The following SNW1 variants were observed in gnomAD, a reference collection of about 807,000 sequenced individuals.
SNW1 encodes SNW domain-containing protein 1.
Under a neutral mutation model 75.6 loss-of-function variants are expected in SNW1, and 9 were observed. The observed-to-expected ratio is 0.12, with a 90% CI of 0.07 to 0.21. SNW1 has a LOEUF of 0.21. Among genes scored for constraint, SNW1 ranks in the 10% least tolerant of loss-of-function variants. The probability of loss-of-function intolerance (pLI) is 1.00; values close to 1 mark genes in which losing one functional copy is unlikely to be tolerated. For synonymous variants in SNW1, 200 were observed against 219.1 expected (o/e 0.91, Z 0.77); for missense variants, 409 against 670.9 (o/e 0.61, Z 4.31).
intron 3 of SNW1, among the ~76,000 whole-genome samples, chr14:77,746,659 A>G (rs1309595215): frequency 6.6e-6 from 1 of 152,214 alleles, no homozygotes; most frequent in Non-Finnish European, 1.5e-5. Context: ...TAAAAAAACT[A>G]GCAGATAACC....
At chr14:77,730,861 C>G in intron 10 of SNW1, 127 bp downstream of exon 10, 1 of 940,944 alleles carries the variant, frequency 1.1e-6, no homozygotes, top group Non-Finnish European at 1.6e-6. Flanking sequence ...CATTTCTACA[C>G]TATATCTGAT....
intron 6 of SNW1, 89 bp downstream of exon 6, chr14:77,736,882 G>GT: frequency 1.1e-6 from 1 of 932,320 alleles, no homozygotes; most frequent in South Asian, 1.3e-5. Context: ...GTATGTACTT[G>GT]TTTTTGCCTG....
At chr14:77,719,649 A>C (rs7401285) in intron 12 of SNW1, among the ~76,000 whole-genome samples, 3 of 150,932 alleles carry the variant, frequency 2.0e-5, no homozygotes, top group African/African-American at 7.3e-5. Flanking sequence ...TCAGAAAACA[A>C]AAACAAACAA....
rs2080832880 is a variant in SNW1, at chr14:77,754,955, A to T, written c.168+12T>A. 6.4e-7 allele frequency: 1 copy of T among 1,566,528 alleles called. No homozygotes were observed. The highest frequency in any genetic ancestry group is 1.2e-5 in the South Asian group (1 of 85,290). On this transcript the variant is annotated intron_variant, in intron 2 of 13. Coordinates refer to ENST00000261531, the MANE Select transcript of SNW1 (RefSeq NM_012245.3). ...ACAATTTAACAAATCTAAACTTAAGATCTATATGTACCTCTAATAACCGAG... is the reference window on the plus strand; with the variant it reads ...ACAATTTAACAAATCTAAACTTAAGTTCTATATGTACCTCTAATAACCGAG...
At chr14:77,726,074 C>T (rs1330633747) in intron 10 of SNW1, among the ~76,000 whole-genome samples, 1 of 152,044 alleles carries the variant, frequency 6.6e-6, no homozygotes, top group African/African-American at 2.4e-5. Context: ...TGTGATGCCT[C>T]CAGTTTTTTT....
At chr14:77,737,211 T>C (rs2080679854) in intron 5 of SNW1, 136 bp from the exon 6 acceptor site, 1 of 612,776 alleles carries the variant, frequency 1.6e-6, no homozygotes, top group African/African-American at 1.9e-5. Flanking sequence ...AACAAAATAT[T>C]TAGACAAAGC....
At chr14:77,720,955 T>C (rs778745379) in intron 11 of SNW1, 127 bp from the exon 12 acceptor site, 99 of 686,676 alleles carry the variant, frequency 1.4e-4, no homozygotes, top group Non-Finnish European at 2.4e-4. Flanking sequence ...TGTGAACATA[T>C]ATTCCTTGAT....
intron 9 of SNW1, 56 bp from the exon 10 acceptor site, chr14:77,731,185 C>T: frequency 6.4e-7 from 1 of 1,570,930 alleles, no homozygotes; most frequent in Non-Finnish European, 8.7e-7. Context: ...ATATTTATGG[C>T]TATCATCCAA....
Position 77,717,902 on chromosome 14 carries a change from T to A in SNW1, c.*186A>T. On this transcript the variant is annotated 3_prime_UTR_variant, in exon 14 of 14. Transcript: ENST00000261531. ...AGAAGCACAAACACAACCCACTCTTTAAAAAAAACTAAATAATTCAAAGTA... is the reference window on the plus strand; with the variant it reads ...AGAAGCACAAACACAACCCACTCTTAAAAAAAAACTAAATAATTCAAAGTA... The A allele has an allele frequency of 3.5e-6, 2 of 565,690 alleles. No individual in the cohort carries two copies. The highest frequency in any genetic ancestry group is 6.1e-6 in the Non-Finnish European group (2 of 329,732). 35.0% of individuals were successfully genotyped at this position (565,690 alleles called of 1,614,324 possible).
At chr14:77,748,112 CT>C (rs1302584941) in intron 3 of SNW1, among the ~76,000 whole-genome samples, 1 of 152,238 alleles carries the variant, frequency 6.6e-6, no homozygotes, top group Non-Finnish European at 1.5e-5. Flanking sequence ...AACCTTACCC[CT>C]AACCCCATGC....
chr14:77,750,136 G>A (rs1448115068), intron 3 of SNW1, among the ~76,000 whole-genome samples: 2 of 152,188 alleles, frequency 1.3e-5, no homozygotes, highest in African/African-American at 2.4e-5. Context: ...AGGAGGTCGA[G>A]GCTTCAGTGA....
chr14:77,720,969 A>G (rs1206197458), intron 11 of SNW1, 141 bp from the exon 12 acceptor site: 3 of 661,620 alleles, frequency 4.5e-6, no homozygotes, highest in East Asian at 2.6e-5. Flanking sequence ...CCTTGATGAT[A>G]CATAATCAAG....
intron 10 of SNW1, among the ~76,000 whole-genome samples, chr14:77,730,671 A>C (rs538089162): frequency 3.3e-5 from 5 of 152,170 alleles, no homozygotes; most frequent in South Asian, 4.1e-4. Flanking sequence ...TTAGATACCT[A>C]ATTTCTCTTA....
chr14:77,755,062 T>C lies in SNW1; in HGVS notation c.73A>G (p.Arg25Gly), dbSNP rs754157756. 6.2e-7 allele frequency: 1 copy of C among 1,613,038 alleles called. No individual in the cohort carries two copies. The highest frequency in any genetic ancestry group is 1.1e-5 in the South Asian group (1 of 90,974). ...GAGGTCTGCCGTGATCTCTGGGATC[T>C]TGCCTTTTCTTCAGCCTCAAGCTGG... ...QDQLEAEEKA[R>G]SQRSRQTSLV... is the part of the protein sequence containing the mutation. The change falls in exon 2 of 14, where the codon AGA becomes GGA. Residue 25 changes from arginine (R) to glycine (G), a missense_variant. By Grantham distance (125) the Arg-to-Gly change is moderately radical. Around this residue, in one of 9 missense-constraint regions of SNW1, gnomAD observed 73 missense variants for 68.3 expected, o/e 1.07. Transcript: ENST00000261531.
chr14:77,760,952 G>A (rs1003711131), intron 1 of SNW1, 162 bp downstream of exon 1: 3 of 1,530,270 alleles, frequency 2.0e-6, no homozygotes, highest in Non-Finnish European at 2.7e-6. Context: ...CTTCGACTAG[G>A]CCTAGTCGTA....
chr14:77,742,995 G>T (rs1224446734), intron 3 of SNW1, among the ~76,000 whole-genome samples: 2 of 151,940 alleles, frequency 1.3e-5, no homozygotes, highest in African/African-American at 4.8e-5. Context: ...GGAGGCCGAG[G>T]TGGGTGGATC....
At chr14:77,759,312 A>C (rs1267075865) in intron 1 of SNW1, among the ~76,000 whole-genome samples, 20 of 152,052 alleles carry the variant, frequency 1.3e-4, no homozygotes, top group Admixed American at 9.2e-4. Context: ...CCAGTTCAAG[A>C]CCAGGCTGGG....
At chr14:77,753,757 GCCTAGCAA>G (rs2080824532) in intron 2 of SNW1, among the ~76,000 whole-genome samples, 2 of 151,898 alleles carry the variant, frequency 1.3e-5, no homozygotes, top group South Asian at 4.2e-4. Flanking sequence ...TTCAAGACCA[GCCTAGCAA>G]ACATGGTGAA....
In SNW1 at chr14:77,755,036, T is replaced by A; in HGVS notation, c.99A>T (p.Ser33=). The change falls in exon 2 of 14, where the codon TCA becomes TCT. Residue 33 remains serine (S), a synonymous_variant. Transcript: ENST00000261531. Reference sequence around the variant, plus strand: ...GAGGTTCTCTTCGGGAGGAGACCAGTGAGGTCTGCCGTGATCTCTGGGATC... The same window carrying A: ...GAGGTTCTCTTCGGGAGGAGACCAGAGAGGTCTGCCGTGATCTCTGGGATC... ...KARSQRSRQT[S]LVSSRREPPP... 1 of 1,612,132 alleles carries A rather than the reference T, an allele frequency of 6.2e-7. No individual in the cohort carries two copies. The highest frequency in any genetic ancestry group is 1.1e-5 in the South Asian group (1 of 90,798).
Sources: gnomAD v4.1 joint callset for allele counts (sites outside exome capture counted in the v4.1 genomes callset) on GRCh38, gnomAD v4.1.1 for gene constraint, gnomAD v4.1.1 regional missense constraint, MANE v1.5 for transcripts, NCBI Gene and HGNC (gene_info 2026-07-23, HGNC 2026-07-21) for gene names.